The following CES1 variants were observed in gnomAD, a reference collection of about 807,000 sequenced individuals.
CES1 encodes carboxylesterase 1.
CES1 carries 50 observed loss-of-function variants against 53.0 expected under a neutral mutation model. That is an observed-to-expected ratio of 0.94 (90% CI 0.75 to 1.19). The LOEUF (loss-of-function observed/expected upper bound fraction) is 1.19. Among genes scored for constraint, CES1 ranks in the 50% most tolerant of loss-of-function variants. The pLI is 0.00. For missense variants in CES1, 534 were observed against 538.0 expected (o/e 0.99, Z 0.07); for synonymous variants, 202 against 210.1 (o/e 0.96, Z 0.33).
chr16:55,822,780 G>C (rs546808725), intron 4 of CES1, among the ~76,000 whole-genome samples: 1 of 152,112 alleles, frequency 6.6e-6, no homozygotes, highest in Non-Finnish European at 1.5e-5. Context: ...CACAGAGGCT[G>C]AGTGGCCATC....
intron 4 of CES1, 51 bp from the exon 5 acceptor site, chr16:55,821,572 A>T: frequency 6.2e-7 from 1 of 1,602,310 alleles, no homozygotes; most frequent in East Asian, 2.2e-5. Flanking sequence ...GTCATGCAGG[A>T]CCTTCAGGAC....
chr16:55,821,602 TC>T, intron 4 of CES1, 81 bp from the exon 5 acceptor site: 1 of 1,488,220 alleles, frequency 6.7e-7, no homozygotes, highest in South Asian at 1.1e-5. Flanking sequence ...GGCTAGGGGT[TC>T]TCAGTGAACC....
In CES1 at chr16:55,811,012, TA is replaced by T. The variant is rs370314655; in HGVS notation, c.1087-3del. 142,960 of 1,337,178 alleles carry T rather than the reference TA, an allele frequency of 0.11. 5,490 individuals carry two copies. The highest frequency in any genetic ancestry group is 0.12 in the Non-Finnish European group (118,161 of 988,258). The allele number at this position is 1,337,178 out of a possible 1,614,324, so 82.8% of individuals were successfully genotyped here. On this transcript the variant is annotated splice_polypyrimidine_tract_variant and splice_region_variant and intron_variant, in intron 9 of 13. Transcript: ENST00000360526. ...GGAGAGTGGATAGCTCATCAACTGC[TA>T]AAAAAAAAAAAAAGTTCAGCATTTA...
chr16:55,825,669 C>T (rs1297499382), intron 3 of CES1, among the ~76,000 whole-genome samples: 8 of 152,348 alleles, frequency 5.3e-5, no homozygotes, highest in Middle Eastern at 3.4e-3. Flanking sequence ...ATGCCCTACT[C>T]CATGTCAAAA....
intron 1 of CES1, among the ~76,000 whole-genome samples, chr16:55,829,685 G>A (rs1370476708): frequency 2.0e-5 from 3 of 152,218 alleles, no homozygotes; most frequent in Admixed American, 6.5e-5. Flanking sequence ...GAATGAGACC[G>A]CACATGTCAG....
chr16:55,815,449 G>T (rs1322137018), intron 8 of CES1, among the ~76,000 whole-genome samples: 1 of 152,246 alleles, frequency 6.6e-6, no homozygotes, highest in Non-Finnish European at 1.5e-5. Context: ...GAGCACCTCA[G>T]TTGGGTGACA....
At position 55,821,367 on chromosome 16, in the gene CES1, C is replaced by T. The variant is rs1426776788; in HGVS notation, c.693+1G>A. 1.2e-6 allele frequency: 2 copies of T among 1,614,204 alleles called. No individual in the cohort carries two copies. The highest frequency in any genetic ancestry group is 1.7e-6 in the Non-Finnish European group (2 of 1,180,048). ...TTGGGCCTGGTGACAGGAAAACTCA[C>T]AAGAACAGAGACACTTTCTCCTCCC... On this transcript the variant is annotated splice_donor_variant, in intron 5 of 13. Coordinates refer to ENST00000360526, the MANE Select transcript of CES1 (RefSeq NM_001025195.2). LOFTEE classifies it high-confidence loss of function.
chr16:55,820,295 A>G (rs1409503946), intron 6 of CES1, 77 bp downstream of exon 6: 4 of 912,548 alleles, frequency 4.4e-6, no homozygotes, highest in African/African-American at 1.7e-5. Context: ...ACCACAAGAG[A>G]GATCCCTGAG....
chr16:55,820,782 C>T lies in CES1; in HGVS notation c.694-303G>A, dbSNP rs144135258. ...AACCCCTGCCCCATCCCTCCCTATC[C>T]GCGGCTCCATCCCTCCTTCCTCTGC... is the stretch of plus-strand genomic sequence containing the variant. On this transcript the variant is annotated intron_variant, in intron 5 of 13. Coordinates refer to ENST00000360526, the MANE Select transcript of CES1 (RefSeq NM_001025195.2). 1.7e-3 allele frequency among the ~76,000 whole-genome samples: 254 copies of T among 152,154 alleles called. 2 individuals are homozygous for T. In the South Asian group the frequency reaches 0.048, roughly 29 times the overall value.
chr16:55,810,601 C>T lies in CES1; in HGVS notation c.1234G>A (p.Val412Ile). The change falls in exon 11 of 14, where the codon GTC (valine) becomes ATC (isoleucine). Residue 412 changes from valine to isoleucine, a missense_variant. Physicochemically the swap from Val to Ile is conservative, Grantham distance 29. Transcript: ENST00000360526. ...TCCAGGAACAGGTCTTTCTTTTTGA[C>T]AGTGTCGTCTGTTCCTCCTAAGTAT... Reference protein sequence around the residue: ...EKYLGGTDDTVKKKDLFLDLI... With the variant: ...EKYLGGTDDTIKKKDLFLDLI... The T allele has an allele frequency of 6.2e-7, 1 of 1,614,118 alleles. No individual in the cohort carries two copies.
chr16:55,817,744 CTCTGTGTGTGTG>C (rs72491896), intron 7 of CES1, among the ~76,000 whole-genome samples: 5,523 of 151,142 alleles, frequency 0.037, 319 homozygotes, highest in African/African-American at 0.12. Context: ...GTATGTGTTT[CTCTGTGTGTGTG>C]TCTGTGTGTG....
chr16:55,819,057 A>G (rs568648802), intron 7 of CES1, among the ~76,000 whole-genome samples: 1 of 152,366 alleles, frequency 6.6e-6, no homozygotes, highest in African/African-American at 2.4e-5. Flanking sequence ...GGATTAACGA[A>G]TGGGTGGATG....
In CES1 at chr16:55,810,603, G is replaced by C. The variant is rs747152792; in HGVS notation, c.1232C>G (p.Thr411Ser). 1.9e-6 allele frequency: 3 copies of C among 1,614,106 alleles called. No individual in the cohort carries two copies. Among genetic ancestry groups the C allele is most frequent in the Non-Finnish European group, 2.5e-6 (3 of 1,179,992 alleles). The change falls in exon 11 of 14, where the codon ACT (threonine) becomes AGT (serine). Residue 411 changes from threonine to serine, a missense_variant. By Grantham distance (58) the Thr-to-Ser change is moderately conservative. Around this residue, in one of 5 missense-constraint regions of CES1, gnomAD observed 269 missense variants for 206.6 expected, o/e 1.30. Coordinates refer to ENST00000360526, the MANE Select transcript of CES1 (RefSeq NM_001025195.2). Reference protein sequence around the residue: ...TEKYLGGTDDTVKKKDLFLDL... With the variant: ...TEKYLGGTDDSVKKKDLFLDL... ...CAGGAACAGGTCTTTCTTTTTGACA[G>C]TGTCGTCTGTTCCTCCTAAGTATTT...
At position 55,821,503 on chromosome 16, in the gene CES1, G is replaced by T; in HGVS notation, c.558C>A (p.Ser186Arg). 1 of 1,614,184 alleles carries T rather than the reference G, an allele frequency of 6.2e-7. No individual in the cohort carries two copies. The highest frequency in any genetic ancestry group is 8.5e-7 in the Non-Finnish European group (1 of 1,180,026). The part of the protein sequence containing the change: ...WGFFSTGDEH[S>R]RGNWGHLDQV... ...GGTCCAGGTGACCCCAGTTCCCCCG[G>T]CTGTGTTCATCCCCTGTGCTGTGAG... The change falls in exon 5 of 14, where the codon AGC becomes AGA. Residue 186 changes from serine (S) to arginine (R), a missense_variant. Ser to Arg is a moderately radical substitution (Grantham distance 110, BLOSUM62 -1). Around this residue, in one of 5 missense-constraint regions of CES1, gnomAD observed 85 missense variants for 81.9 expected, o/e 1.04. Coordinates refer to ENST00000360526, the MANE Select transcript of CES1 (RefSeq NM_001025195.2).
chr16:55,812,818 T>A (rs566242335), intron 9 of CES1, 85 bp downstream of exon 9: 1 of 1,580,808 alleles, frequency 6.3e-7, no homozygotes, highest in South Asian at 1.1e-5. Context: ...AGAGTGCAGC[T>A]CGGAGAGGGA....
intron 9 of CES1, chr16:55,812,287 C>G (rs1297245259): frequency 6.4e-6 from 1 of 156,464 alleles, no homozygotes; most frequent in Non-Finnish European, 1.4e-5. Flanking sequence ...CAGGTTTGAT[C>G]ATGGGTAATT....
chr16:55,811,988 G>T (rs1302016429), intron 9 of CES1, among the ~76,000 whole-genome samples: 1 of 152,176 alleles, frequency 6.6e-6, no homozygotes, highest in East Asian at 1.9e-4. Context: ...ACATCCAGGT[G>T]GTCTAGTCAC....
chr16:55,821,580 G>C, intron 4 of CES1, 59 bp from the exon 5 acceptor site: 1 of 1,586,820 alleles, frequency 6.3e-7, no homozygotes, highest in Admixed American at 1.7e-5. Context: ...GGACCTTCAG[G>C]ACCACAGATG....
At chr16:55,811,094 C>A in intron 9 of CES1, 84 bp from the exon 10 acceptor site, 1 of 1,156,134 alleles carries the variant, frequency 8.6e-7, no homozygotes, top group Non-Finnish European at 1.3e-6. Flanking sequence ...CAAACCAATG[C>A]AGTCTGAAAG....
Sources: allele counts gnomAD v4.1 joint callset (sites outside exome capture counted in the v4.1 genomes callset), GRCh38; gene constraint gnomAD v4.1.1; regional missense constraint gnomAD v4.1.1; transcripts MANE v1.5; gene names NCBI Gene and HGNC (gene_info 2026-07-23, HGNC 2026-07-21).